The following SUMF1 variants were observed in gnomAD, a reference collection of about 807,000 sequenced individuals.
The protein encoded by SUMF1 is formylglycine-generating enzyme.
A neutral mutation model predicts 47.6 loss-of-function variants in SUMF1; 48 were observed. That is an observed-to-expected ratio of 1.01 (90% CI 0.80 to 1.28). The LOEUF is 1.28. SUMF1 is among the 50% of genes most tolerant of loss of function. SUMF1 has a pLI of 0.00. For synonymous variants in SUMF1, 230 were observed against 192.1 expected (o/e 1.20, Z -1.63); for missense variants, 571 against 485.4 (o/e 1.18, Z -1.66).
chr3:4,168,337 C>T (rs1446164778), intron 8 of SUMF1, among the ~76,000 whole-genome samples: 3 of 152,128 alleles, frequency 2.0e-5, no homozygotes, highest in African/African-American at 7.2e-5. Context: ...CTTTCGATGA[C>T]ACAGATTTGC....
At chr3:4,452,044 A>C (rs930743865) in intron 2 of SUMF1, among the ~76,000 whole-genome samples, 1 of 152,178 alleles carries the variant, frequency 6.6e-6, no homozygotes, top group African/African-American at 2.4e-5. Flanking sequence ...TGACAATGCA[A>C]AACCAAATCT....
intron 8 of SUMF1, among the ~76,000 whole-genome samples, chr3:4,342,655 G>C (rs753538540): frequency 3.9e-5 from 6 of 152,176 alleles, no homozygotes; most frequent in Non-Finnish European, 7.3e-5. Flanking sequence ...ACAGTGGAAG[G>C]TCCTCAAAGA....
chr3:4,037,712 A>C lies in SUMF1; in HGVS notation c.1191+30857T>G, dbSNP rs529510496. ...TGTTGGAGAACTGATGCAATCATTT[A>C]GAGGACATAGACACTTGGGTCATTT... is the stretch of plus-strand genomic sequence containing the variant. On this transcript the variant is annotated intron_variant and NMD_transcript_variant, in intron 9 of 12. Coordinates refer to the SUMF1 transcript ENST00000448413. Among the ~76,000 whole-genome samples, 6 of 152,302 alleles carry C rather than the reference A, an allele frequency of 3.9e-5. No individual in the cohort carries two copies. In the East Asian group the frequency reaches 1.2e-3, roughly 29 times the overall value.
At chr3:4,302,077 G>A (rs1260859333) in intron 8 of SUMF1, among the ~76,000 whole-genome samples, 2 of 152,340 alleles carry the variant, frequency 1.3e-5, no homozygotes, top group South Asian at 2.1e-4. Flanking sequence ...TGGGACCTCA[G>A]AAGCTGCAAG....
chr3:4,352,938 G>A (rs1326863576), intron 8 of SUMF1, among the ~76,000 whole-genome samples: 3 of 152,132 alleles, frequency 2.0e-5, no homozygotes, highest in Non-Finnish European at 4.4e-5. Context: ...GATGGAGAAA[G>A]GCTGTCATTT....
intron 8 of SUMF1, among the ~76,000 whole-genome samples, chr3:4,205,133 T>C (rs1196750304): frequency 6.6e-6 from 1 of 152,088 alleles, no homozygotes; most frequent in African/African-American, 2.4e-5. Context: ...ACTGATGACA[T>C]TCCACCATTG....
chr3:4,268,244 G>C (rs912579025), intron 8 of SUMF1, among the ~76,000 whole-genome samples: 3 of 152,000 alleles, frequency 2.0e-5, no homozygotes, highest in Admixed American at 1.3e-4. Context: ...TGTGGGGTTG[G>C]GGGAGAGGGG....
At chr3:4,406,663 TAAAAC>T (rs1304763148) in intron 7 of SUMF1, among the ~76,000 whole-genome samples, 2 of 151,778 alleles carry the variant, frequency 1.3e-5, no homozygotes, top group African/African-American at 2.4e-5. Flanking sequence ...CCATCTCAAA[TAAAAC>T]AAAATAAAAC....
chr3:4,260,768 G>A (rs1697069113), intron 8 of SUMF1, among the ~76,000 whole-genome samples: 1 of 152,018 alleles, frequency 6.6e-6, no homozygotes. Context: ...TACTGGCAGA[G>A]ACTTAGGAGT....
intron 8 of SUMF1, among the ~76,000 whole-genome samples, chr3:4,072,547 G>A (rs553426709): frequency 6.6e-6 from 1 of 152,260 alleles, no homozygotes; most frequent in South Asian, 2.1e-4. Context: ...AGCTAAAGGA[G>A]CATGTTCTAA....
chr3:4,268,152 CG>C (rs772022732), intron 8 of SUMF1, among the ~76,000 whole-genome samples: 9 of 151,998 alleles, frequency 5.9e-5, no homozygotes, highest in Admixed American at 3.3e-4. Context: ...AACCAAACAC[CG>C]CATATTCTCA....
At chr3:4,458,106 A>G (rs981073838) in intron 1 of SUMF1, among the ~76,000 whole-genome samples, 2 of 152,182 alleles carry the variant, frequency 1.3e-5, no homozygotes, top group African/African-American at 2.4e-5. Context: ...AGACATACAA[A>G]TGGCCAACAG....
chr3:4,103,311 T>C (rs1159742690), intron 8 of SUMF1, among the ~76,000 whole-genome samples: 1 of 152,024 alleles, frequency 6.6e-6, no homozygotes, highest in Non-Finnish European at 1.5e-5. Flanking sequence ...GATAGAAATA[T>C]ATTTTTTTAT....
chr3:4,366,885 A>G (rs890057611), intron 8 of SUMF1, among the ~76,000 whole-genome samples: 1 of 152,098 alleles, frequency 6.6e-6, no homozygotes. Flanking sequence ...TGATGTACAG[A>G]TGGGTTTTTG....
At chr3:4,150,182 C>A (rs987273874) in intron 8 of SUMF1, among the ~76,000 whole-genome samples, 5 of 151,908 alleles carry the variant, frequency 3.3e-5, no homozygotes, top group Non-Finnish European at 7.4e-5. Flanking sequence ...CAGCCTTGAT[C>A]TCCTGGGCTC....
intron 8 of SUMF1, among the ~76,000 whole-genome samples, chr3:4,200,213 G>C (rs114185669): frequency 6.7e-6 from 1 of 148,532 alleles, no homozygotes. Flanking sequence ...TACTGTGATG[G>C]TTACTTGTAG....
chr3:4,274,067 C>A (rs1013168053), intron 8 of SUMF1, among the ~76,000 whole-genome samples: 24 of 151,878 alleles, frequency 1.6e-4, no homozygotes, highest in African/African-American at 5.3e-4. Flanking sequence ...ATGATAGTTA[C>A]CTCCCTAAAG....
chr3:4,331,186 G>A (rs1259887355), intron 8 of SUMF1, among the ~76,000 whole-genome samples: 1 of 150,002 alleles, frequency 6.7e-6, no homozygotes, highest in Non-Finnish European at 1.5e-5. Flanking sequence ...TTTTATATTT[G>A]TGTAGTTTTA....
intron 7 of SUMF1, among the ~76,000 whole-genome samples, chr3:4,389,126 C>T (rs1470326285): frequency 6.6e-6 from 1 of 152,112 alleles, no homozygotes; most frequent in African/African-American, 2.4e-5. Flanking sequence ...TTCCTTTAGC[C>T]ATCCTTTTAG....
Sources: allele counts gnomAD v4.1 joint callset (sites outside exome capture counted in the v4.1 genomes callset), GRCh38; gene constraint gnomAD v4.1.1; transcripts MANE v1.5; gene names NCBI Gene and HGNC (gene_info 2026-07-23, HGNC 2026-07-21).